Variants in EFCAB6 observed in about 807,000 individuals in gnomAD.
The protein encoded by EFCAB6 is EF-hand calcium-binding domain-containing protein 6.
A neutral mutation model predicts 169.8 loss-of-function variants in EFCAB6; 156 were observed. The observed-to-expected ratio is 0.92, with a 90% CI of 0.81 to 1.05. EFCAB6 has a LOEUF of 1.05. EFCAB6 is among the 50% of genes least tolerant of loss of function. EFCAB6 has a pLI of 0.00. For missense variants in EFCAB6, 1,800 were observed against 1,829.1 expected (o/e 0.98, Z 0.29); for synonymous variants, 698 against 676.4 (o/e 1.03, Z -0.50).
chr22:43,788,556 C>T (rs983706568), intron 2 of EFCAB6, among the ~76,000 whole-genome samples: 1 of 151,986 alleles, frequency 6.6e-6, no homozygotes, highest in Admixed American at 6.5e-5. Context: ...ATTAGCAAGG[C>T]TATAATAAAA....
chr22:43,798,521 C>A (rs1250712942), intron 2 of EFCAB6, among the ~76,000 whole-genome samples: 1 of 152,170 alleles, frequency 6.6e-6, no homozygotes, highest in East Asian at 1.9e-4. Context: ...CACGCTTTCA[C>A]AACGACCTCT....
At chr22:43,725,926 G>C (rs1003384735) in intron 8 of EFCAB6, among the ~76,000 whole-genome samples, 2 of 152,166 alleles carry the variant, frequency 1.3e-5, no homozygotes, top group Non-Finnish European at 1.5e-5. Context: ...ATGGAACTAA[G>C]ATTGTATTTT....
At chr22:43,564,130 C>T (rs111712618) in intron 26 of EFCAB6, among the ~76,000 whole-genome samples, 2,620 of 152,258 alleles carry the variant, frequency 0.017, 78 homozygotes, top group African/African-American at 0.06. Flanking sequence ...AGGCATCTTC[C>T]AGGACATCCC....
chr22:43,782,158 T>C (rs1410207664), intron 3 of EFCAB6, 22 bp downstream of exon 3: 11 of 1,606,150 alleles, frequency 6.8e-6, no homozygotes, highest in East Asian at 2.2e-5. Flanking sequence ...GTTAGTGTTC[T>C]TATTTGCTCA....
rs777118779 is a variant in EFCAB6, at chr22:43,812,191, G to C, written c.-168C>G. 1 of 149,532 alleles carries C rather than the reference G, an allele frequency of 6.7e-6. No individual in the cohort carries two copies. Among genetic ancestry groups the C allele is most frequent in the African/African-American group, 2.4e-5 (1 of 41,044 alleles). The allele number at this position is 149,532 out of a possible 1,614,324, so 9.3% of individuals were successfully genotyped here. On this transcript the variant is annotated 5_prime_UTR_variant, in exon 1 of 32. Coordinates refer to ENST00000262726, the MANE Select transcript of EFCAB6 (RefSeq NM_022785.4). ...ACCGGGAACCCCTCCTCGATTCTCC[G>C]CCTAGCTGGGCCGGCACCCGCGTGC... is the stretch of plus-strand genomic sequence containing the variant.
chr22:43,795,520 C>T lies in EFCAB6; in HGVS notation c.-7-13195G>A, dbSNP rs143733041. Among the ~76,000 whole-genome samples, 899 of 152,228 alleles carry T rather than the reference C, an allele frequency of 5.9e-3. 7 individuals are homozygous for T. Among genetic ancestry groups the T allele is most frequent in the African/African-American group, 0.02 (837 of 41,520 alleles). ...CGGCCCTGCTCCACCCCAGCCGATT[C>T]CTCTGCCTTGAGACCTCCTGGAACA... On this transcript the variant is annotated intron_variant, in intron 2 of 31. Transcript: ENST00000262726. The surrounding 1 kb of genome is among the most constrained non-coding windows in gnomAD (Gnocchi z 4.2).
In EFCAB6 at chr22:43,537,281, G is replaced by T; in HGVS notation, c.4048+96C>A. ...CCAGTTTCCTGTTCTGCTGCTCCCTGGCCTCCACCCGGGGTGTGGCTTTGT... is the reference window on the plus strand; with the variant it reads ...CCAGTTTCCTGTTCTGCTGCTCCCTTGCCTCCACCCGGGGTGTGGCTTTGT... On this transcript the variant is annotated intron_variant, in intron 29 of 31. Transcript: ENST00000262726. The surrounding 1 kb of genome is among the most constrained non-coding windows in gnomAD (Gnocchi z 4.3). The T allele has an allele frequency of 1.4e-6, 2 of 1,461,592 alleles. No individual in the cohort carries two copies. Among genetic ancestry groups the T allele is most frequent in the Non-Finnish European group, 9.3e-7 (1 of 1,076,112 alleles). The allele number at this position is 1,461,592 out of a possible 1,614,324, so 90.5% of individuals were successfully genotyped here.
chr22:43,571,977 T>C (rs542235668), intron 26 of EFCAB6, among the ~76,000 whole-genome samples: 2 of 152,230 alleles, frequency 1.3e-5, no homozygotes, highest in African/African-American at 4.8e-5. Context: ...GCCAGGTGCA[T>C]CCTCCTAGGC....
intron 25 of EFCAB6, among the ~76,000 whole-genome samples, chr22:43,579,856 T>C (rs987424056): frequency 1.3e-5 from 2 of 151,270 alleles, no homozygotes; most frequent in African/African-American, 4.9e-5. Context: ...GCAGGCATTA[T>C]TCCCTACACT....
intron 16 of EFCAB6, 76 bp downstream of exon 16, chr22:43,668,796 A>G: frequency 7.8e-7 from 1 of 1,288,354 alleles, no homozygotes; most frequent in South Asian, 2.5e-5. Context: ...TACTCAGTTG[A>G]CAAATAGTTA....
At chr22:43,556,638 T>C (rs2048722521) in intron 26 of EFCAB6, among the ~76,000 whole-genome samples, 2 of 152,212 alleles carry the variant, frequency 1.3e-5, no homozygotes, top group South Asian at 4.1e-4. Flanking sequence ...TAGATGTTAC[T>C]GTGTTTTATG....
intron 27 of EFCAB6, among the ~76,000 whole-genome samples, chr22:43,544,931 G>A (rs1398012109): frequency 6.6e-6 from 1 of 151,962 alleles, no homozygotes; most frequent in Non-Finnish European, 1.5e-5. Context: ...GACCATCCTG[G>A]TCAACATGGT....
At position 43,648,319 on chromosome 22, in the gene EFCAB6, A is replaced by G. The variant is rs540138942; in HGVS notation, c.1984-13103T>C. ...TGTGGAATCAACCTAGGTGCCCATCAATGGTGGACTGGATTAAGAAAATGT... is the reference window on the plus strand; with the variant it reads ...TGTGGAATCAACCTAGGTGCCCATCGATGGTGGACTGGATTAAGAAAATGT... On this transcript the variant is annotated intron_variant, in intron 17 of 31. Coordinates refer to ENST00000262726, the MANE Select transcript of EFCAB6 (RefSeq NM_022785.4). Among the ~76,000 whole-genome samples, 8 of 152,304 alleles carry G rather than the reference A, an allele frequency of 5.3e-5. No homozygotes were observed. The East Asian group carries it at 1.4e-3, about 26-fold the overall frequency.
At chr22:43,676,534 G>A (rs975904962) in intron 13 of EFCAB6, among the ~76,000 whole-genome samples, 1 of 152,044 alleles carries the variant, frequency 6.6e-6, no homozygotes, top group African/African-American at 2.4e-5. Flanking sequence ...CTATCGCTGA[G>A]TGTTGGGATT....
intron 26 of EFCAB6, among the ~76,000 whole-genome samples, chr22:43,575,200 G>C (rs1569182634): frequency 2.0e-5 from 3 of 151,898 alleles, no homozygotes. Flanking sequence ...TTGTTTGTTT[G>C]TTTGTTTTGA....
Position 43,600,204 on chromosome 22 carries a change from A to G in EFCAB6, c.2741T>C (p.Ile914Thr), listed in dbSNP as rs759334451. 1.2e-6 allele frequency: 2 copies of G among 1,614,174 alleles called. No individual in the cohort carries two copies. The highest frequency in any genetic ancestry group is 3.3e-5 in the Admixed American group (2 of 60,014). The change falls in exon 23 of 32, where the codon ATT (isoleucine) becomes ACT (threonine). Residue 914 changes from isoleucine to threonine, a missense_variant. Transcript: ENST00000262726. ...CCGATGGACAGCAGGCGAATAGTTA[A>G]TACCCAATTTCTGTAAAAATTCCTG... ...TYQEFLQKLG[I>T]NYSPAVHRPC...
intron 27 of EFCAB6, among the ~76,000 whole-genome samples, chr22:43,543,398 G>A (rs2047860656): frequency 6.6e-6 from 1 of 152,138 alleles, no homozygotes; most frequent in African/African-American, 2.4e-5. Flanking sequence ...CTGCAAGCCC[G>A]AGGTGAGAGA....
chr22:43,810,917 C>G (rs1308324590), intron 1 of EFCAB6, among the ~76,000 whole-genome samples: 3 of 152,068 alleles, frequency 2.0e-5, no homozygotes, highest in African/African-American at 7.2e-5. Context: ...AGAACTTAGC[C>G]AAGTAAACGT....
At chr22:43,574,307 C>T (rs755678621) in intron 26 of EFCAB6, among the ~76,000 whole-genome samples, 9 of 151,410 alleles carry the variant, frequency 5.9e-5, no homozygotes, top group Non-Finnish European at 1.3e-4. Context: ...TAAAAAAATG[C>T]GTTAGAAAAA....
Sources: gnomAD v4.1 joint callset for allele counts (sites outside exome capture counted in the v4.1 genomes callset) on GRCh38, gnomAD v4.1.1 for gene constraint, Gnocchi (gnomAD v3.1) non-coding constraint, MANE v1.5 for transcripts, NCBI Gene and HGNC (gene_info 2026-07-23, HGNC 2026-07-21) for gene names.